MAP3K5: variants seen among roughly 807,000 people sequenced by gnomAD.
MAP3K5 encodes the protein ASK-1.
Under a neutral mutation model 158.7 loss-of-function variants are expected in MAP3K5, and 56 were observed. The observed-to-expected ratio is 0.35, with a 90% CI of 0.28 to 0.44. The LOEUF (loss-of-function observed/expected upper bound fraction) is 0.44, where lower values mean the gene tolerates loss of function less well. Among genes scored for constraint, MAP3K5 ranks in the 20% least tolerant of loss-of-function variants. The pLI, the probability that MAP3K5 is intolerant of heterozygous loss-of-function variation, is 1.00. For missense variants in MAP3K5, 1,294 were observed against 1,674.8 expected, an observed-to-expected ratio of 0.77 and a Z score of 3.97; for synonymous variants, 579 against 601.7, an observed-to-expected ratio of 0.96 and a Z score of 0.55.
chr6:136,726,455 C>T (rs757180247), intron 1 of MAP3K5, among the ~76,000 whole-genome samples: 5 of 152,032 alleles, frequency 3.3e-5, no homozygotes, highest in Non-Finnish European at 5.9e-5. Context: ...TAGCCAGGTA[C>T]GGTGGCACAT....
chr6:136,588,146 T>C (rs1775219152), intron 23 of MAP3K5, among the ~76,000 whole-genome samples: 1 of 152,236 alleles, frequency 6.6e-6, no homozygotes, highest in Admixed American at 6.5e-5. Context: ...CAGTGGCTAA[T>C]GGTGATTTAC....
chr6:136,623,526 T>C (rs1366997828), intron 14 of MAP3K5, among the ~76,000 whole-genome samples: 1 of 152,204 alleles, frequency 6.6e-6, no homozygotes, highest in African/African-American at 2.4e-5. Flanking sequence ...CAAAAACATT[T>C]TTTTAAGTGA....
At chr6:136,790,765 A>G (rs1192115021) in intron 1 of MAP3K5, among the ~76,000 whole-genome samples, 1 of 152,264 alleles carries the variant, frequency 6.6e-6, no homozygotes, top group African/African-American at 2.4e-5. Context: ...AAATGTAAAC[A>G]TAAATATGTA....
At chr6:136,730,160 T>TG (rs957471726) in intron 1 of MAP3K5, among the ~76,000 whole-genome samples, 34 of 138,804 alleles carry the variant, frequency 2.4e-4, no homozygotes, top group Non-Finnish European at 4.3e-4. Flanking sequence ...GTTGTTTTTT[T>TG]TTTTTTGTTT....
intron 9 of MAP3K5, among the ~76,000 whole-genome samples, chr6:136,658,254 C>T (rs1274324811): frequency 2.0e-5 from 3 of 151,146 alleles, no homozygotes; most frequent in African/African-American, 4.9e-5. Flanking sequence ...AATGGTTAAT[C>T]GCTACATGTG....
rs766734935 is a variant in MAP3K5, at chr6:136,651,030, A to T, written c.1742T>A (p.Val581Asp). 2 of 1,611,988 alleles carry T rather than the reference A, an allele frequency of 1.2e-6. No homozygotes were observed. Among genetic ancestry groups the T allele is most frequent in the Non-Finnish European group, 1.7e-6 (2 of 1,178,816 alleles). The change falls in exon 11 of 30, where the codon GTT becomes GAT. Residue 581 changes from valine to aspartate, a missense_variant. Physicochemically the swap from Val to Asp is radical, Grantham distance 152. Around this residue, in one of 5 missense-constraint regions of MAP3K5, gnomAD observed 690 missense variants for 870.5 expected, o/e 0.79. Coordinates refer to ENST00000359015, the MANE Select transcript of MAP3K5 (RefSeq NM_005923.4). ...CCAAATAGAGATTGTCTTTTCCTCA[A>T]CTTCATTGTTGATAGACAAATAAGA... ...QPSYLSINNE[V>D]EEKTISIWHV...
intron 7 of MAP3K5, 24 bp downstream of exon 7, chr6:136,694,116 C>T (rs1381395787): frequency 5.1e-6 from 8 of 1,568,106 alleles, no homozygotes; most frequent in African/African-American, 1.4e-5. Flanking sequence ...AAGTAAGTAG[C>T]TCATTTATAT....
chr6:136,583,593 T>C lies in MAP3K5; in HGVS notation c.3373A>G (p.Ser1125Gly), dbSNP rs779344663. 1.9e-6 allele frequency: 3 copies of C among 1,614,246 alleles called. No individual in the cohort carries two copies. Among genetic ancestry groups the C allele is most frequent in the Non-Finnish European group, 1.7e-6 (2 of 1,180,040 alleles). The change falls in exon 24 of 30, where the codon AGC becomes GGC. Residue 1125 changes from serine to glycine, a missense_variant. Ser to Gly is a moderately conservative substitution (Grantham distance 56, BLOSUM62 0). Coordinates refer to ENST00000359015, the MANE Select transcript of MAP3K5 (RefSeq NM_005923.4). Reference sequence around the variant, plus strand: ...CCAAAGAGTACCACCTGGACTTGGCTAATGCCATGGCTGTCGAAGTCCAGC... The same window carrying C: ...CCAAAGAGTACCACCTGGACTTGGCCAATGCCATGGCTGTCGAAGTCCAGC... ...LELDFDSHGI[S>G]QVQVVLFGFQ...
rs529034148 is a variant in MAP3K5 at position 136,729,281 on chromosome 6, T to C, written c.449-8692A>G. ...ATGTAAATAACAGACAAGCTGTTCTTTGACTTCCAGTGTTTGAATCCCAGT... is the reference window on the plus strand; with the variant it reads ...ATGTAAATAACAGACAAGCTGTTCTCTGACTTCCAGTGTTTGAATCCCAGT... On this transcript the variant is annotated intron_variant, in intron 1 of 29. Transcript: ENST00000359015. Among the ~76,000 whole-genome samples, 51 of 152,338 alleles carry C rather than the reference T, an allele frequency of 3.3e-4. No homozygotes were observed. In the South Asian group the frequency reaches 1.0e-2, roughly 30 times the overall value.
At chr6:136,730,164 T>G (rs1472976725) in intron 1 of MAP3K5, among the ~76,000 whole-genome samples, 8 of 134,758 alleles carry the variant, frequency 5.9e-5, no homozygotes, top group East Asian at 2.0e-4. Context: ...TTTTTTTTTT[T>G]TTGTTTTTTG....
At chr6:136,730,204 G>A (rs544982463) in intron 1 of MAP3K5, among the ~76,000 whole-genome samples, 138 of 147,072 alleles carry the variant, frequency 9.4e-4, no homozygotes, top group African/African-American at 2.8e-3. Context: ...TCACTATGTC[G>A]ACCAAGCTGG....
intron 1 of MAP3K5, among the ~76,000 whole-genome samples, chr6:136,751,093 G>A (rs191925525): frequency 6.7e-6 from 1 of 149,818 alleles, no homozygotes; most frequent in Non-Finnish European, 1.5e-5. Context: ...TTGCTCTAAT[G>A]CAGATTTCTC....
At chr6:136,573,823 C>T (rs142417257) in intron 25 of MAP3K5, among the ~76,000 whole-genome samples, 1 of 152,320 alleles carries the variant, frequency 6.6e-6, no homozygotes, top group African/African-American at 2.4e-5. Context: ...GGAGCCAGTG[C>T]ATTGTTTCCA....
In MAP3K5 at chr6:136,706,209, C is replaced by T. The variant is rs117865507; in HGVS notation, c.589-1076G>A. On this transcript the variant is annotated intron_variant, in intron 2 of 29. Coordinates refer to ENST00000359015, the MANE Select transcript of MAP3K5 (RefSeq NM_005923.4). ...TGAATCCAAGAGGCGGAGGCTGCGGCGAGCTGAGATCGCACCACTGCACTC... is the reference window on the plus strand; with the variant it reads ...TGAATCCAAGAGGCGGAGGCTGCGGTGAGCTGAGATCGCACCACTGCACTC... 2.6e-5 allele frequency among the ~76,000 whole-genome samples: 4 copies of T among 151,986 alleles called. No homozygotes were observed. The East Asian group carries it at 5.8e-4, about 22-fold the overall frequency.
chr6:136,666,748 T>C (rs1443260805), intron 8 of MAP3K5, among the ~76,000 whole-genome samples: 1 of 152,174 alleles, frequency 6.6e-6, no homozygotes, highest in African/African-American at 2.4e-5. Flanking sequence ...AGAATCTAAG[T>C]TAGTGAGTTT....
chr6:136,725,361 C>T (rs190918073), intron 1 of MAP3K5, among the ~76,000 whole-genome samples: 19 of 152,288 alleles, frequency 1.2e-4, no homozygotes, highest in African/African-American at 1.9e-4. Flanking sequence ...TCTTTGTCAG[C>T]GCTTGGTATT....
intron 1 of MAP3K5, among the ~76,000 whole-genome samples, chr6:136,754,269 TAAA>T (rs374693237): frequency 7.6e-6 from 1 of 131,912 alleles, no homozygotes; most frequent in African/African-American, 2.9e-5. Context: ...CAAGACTCGA[TAAA>T]AAAAAAAAAG....
rs779103210 is a variant in MAP3K5 at position 136,698,682 on chromosome 6, T to A, written c.613A>T (p.Met205Leu). The change falls in exon 4 of 30, where the codon ATG (methionine) becomes TTG (leucine). Residue 205 changes from methionine (M) to leucine (L), a missense_variant and splice_region_variant. Physicochemically the swap from Met to Leu is conservative, Grantham distance 15. Around this residue, in one of 5 missense-constraint regions of MAP3K5, gnomAD observed 690 missense variants for 870.5 expected, o/e 0.79. Transcript: ENST00000359015. Reference protein sequence around the residue: ...LKEIICQKNTMCTGNYTFVPY... With the variant: ...LKEIICQKNTLCTGNYTFVPY... ...ACAAAGGTGTAGTTCCCAGTGCACA[T>A]CTGCGGAGAGAGGAGGCATCGGCAA... The A allele has an allele frequency of 1.2e-6, 2 of 1,606,562 alleles. No homozygotes were observed. The highest frequency in any genetic ancestry group is 1.7e-6 in the Non-Finnish European group (2 of 1,173,934).
intron 1 of MAP3K5, among the ~76,000 whole-genome samples, chr6:136,777,476 G>A (rs145941098): frequency 1.1e-3 from 165 of 152,184 alleles, no homozygotes; most frequent in Non-Finnish European, 1.7e-3. Context: ...TTTGAAACCC[G>A]AATTTTCCCT....
Sources: allele counts gnomAD v4.1 joint callset (sites outside exome capture counted in the v4.1 genomes callset), GRCh38; gene constraint gnomAD v4.1.1; regional missense constraint gnomAD v4.1.1; transcripts MANE v1.5; gene names NCBI Gene and HGNC (gene_info 2026-07-23, HGNC 2026-07-21).